Variants in KDM4C observed in about 807,000 individuals in gnomAD.
The protein encoded by KDM4C is lysine-specific demethylase 4C.
A neutral mutation model predicts 129.3 loss-of-function variants in KDM4C; 81 were observed. That is an observed-to-expected ratio of 0.63 (90% CI 0.52 to 0.75). The LOEUF is 0.75. Ranked by LOEUF, KDM4C falls within the 30% of genes least tolerant of loss-of-function variation. KDM4C has a pLI of 0.00. For synonymous variants in KDM4C, 573 were observed against 456.1 expected, an observed-to-expected ratio of 1.26 and a Z score of -3.26; for missense variants, 1,457 against 1,304.0, an observed-to-expected ratio of 1.12 and a Z score of -1.81.
rs117177248 is a variant in KDM4C, at chr9:7,114,147, C to T, written c.2610+10277C>T. Among the ~76,000 whole-genome samples the T allele has an allele frequency of 2.6e-4, 40 of 152,276 alleles. No individual in the cohort carries two copies. The East Asian group carries it at 7.7e-3, about 29-fold the overall frequency. The stretch of plus-strand genomic sequence containing the variant: ...GAGGAGAGGGGCTGCTACCATACTA[C>T]TCCTTATTCTGTTTTCTGGGGAGAG... On this transcript the variant is annotated intron_variant, in intron 18 of 21. Transcript: ENST00000381309.
chr9:6,734,214 A>C (rs116677613), intron 1 of KDM4C, among the ~76,000 whole-genome samples: 1 of 150,598 alleles, frequency 6.6e-6, no homozygotes, highest in Non-Finnish European at 1.5e-5. Context: ...AAAGAGATTG[A>C]TCTTTTCTAG....
At chr9:7,052,863 CAGAGAGAGAG>C (rs370475585) in intron 17 of KDM4C, among the ~76,000 whole-genome samples, 7 of 41,110 alleles carry the variant, frequency 1.7e-4, no homozygotes, top group Middle Eastern at 0.011. Flanking sequence ...GCCACACCTG[CAGAGAGAGAG>C]AGAGAGAGAG....
At chr9:7,061,279 C>T (rs1381058528) in intron 17 of KDM4C, among the ~76,000 whole-genome samples, 2 of 152,182 alleles carry the variant, frequency 1.3e-5, no homozygotes, top group African/African-American at 4.8e-5. Flanking sequence ...ATGCTTACAT[C>T]TCCTCAAGAT....
intron 5 of KDM4C, among the ~76,000 whole-genome samples, chr9:6,859,218 C>G (rs1366577081): frequency 3.3e-5 from 5 of 152,188 alleles, no homozygotes; most frequent in Non-Finnish European, 7.4e-5. Context: ...TGGTTCATGC[C>G]TATAATCCCA....
At position 7,027,906 on chromosome 9, in the gene KDM4C, C is replaced by T. The variant is rs963612943; in HGVS notation, c.2259+11977C>T. On this transcript the variant is annotated intron_variant, in intron 15 of 21. Transcript: ENST00000381309. ...GCTCATGGAGAATACTGCTGGGCTA[C>T]CACCAATATTCAGTTAAGGCCCTAG... Among the ~76,000 whole-genome samples, 3 of 152,294 alleles carry T rather than the reference C, an allele frequency of 2.0e-5. No individual in the cohort carries two copies. In the East Asian group the frequency reaches 5.8e-4, roughly 29 times the overall value.
intron 17 of KDM4C, among the ~76,000 whole-genome samples, chr9:7,052,741 C>T (rs1830316515): frequency 6.6e-6 from 1 of 152,170 alleles, no homozygotes; most frequent in Non-Finnish European, 1.5e-5. Flanking sequence ...ATCCCTGAAG[C>T]AGCAGCAAGG....
chr9:6,831,456 C>T (rs76724080), intron 4 of KDM4C, among the ~76,000 whole-genome samples: 9,196 of 152,044 alleles, frequency 0.06, 381 homozygotes, highest in East Asian at 0.15. Context: ...AATTCTCCTG[C>T]CATAGCCTTC....
chr9:6,735,019 C>T, intron 1 of KDM4C: 1 of 513,298 alleles, frequency 1.9e-6, no homozygotes, highest in Non-Finnish European at 3.9e-6. Context: ...TGCATTGCAG[C>T]TATTGTAAGA....
chr9:6,979,533 A>C (rs1302703396), intron 8 of KDM4C, among the ~76,000 whole-genome samples: 1 of 152,146 alleles, frequency 6.6e-6, no homozygotes, highest in Non-Finnish European at 1.5e-5. Flanking sequence ...TGGTGGAGTA[A>C]AGTCTTGGAG....
At chr9:6,873,880 T>C (rs1242936409) in intron 5 of KDM4C, among the ~76,000 whole-genome samples, 6 of 151,966 alleles carry the variant, frequency 3.9e-5, no homozygotes, top group African/African-American at 1.2e-4. Context: ...ATGGAGCTCT[T>C]CTTTTTCTTG....
intron 15 of KDM4C, among the ~76,000 whole-genome samples, chr9:7,022,252 C>G (rs1437532945): frequency 1.3e-5 from 2 of 152,110 alleles, no homozygotes; most frequent in Non-Finnish European, 2.9e-5. Flanking sequence ...ATAGTGTGGA[C>G]ATTTCAACAG....
At chr9:6,933,931 T>C (rs72701484) in intron 8 of KDM4C, among the ~76,000 whole-genome samples, 38,839 of 151,724 alleles carry the variant, frequency 0.26, 5,418 homozygotes, top group South Asian at 0.4. Flanking sequence ...CTCATGACAA[T>C]CTCCACCTGC....
At chr9:6,747,193 C>G (rs1817910531) in intron 1 of KDM4C, among the ~76,000 whole-genome samples, 3 of 140,770 alleles carry the variant, frequency 2.1e-5, no homozygotes, top group Non-Finnish European at 4.5e-5. Context: ...ACTCTGTCTC[C>G]AAAAAACCAA....
At position 6,990,530 on chromosome 9, in the gene KDM4C, A is replaced by G; in HGVS notation, c.1786+6A>G. On this transcript the variant is annotated splice_donor_region_variant and intron_variant, in intron 12 of 21. Coordinates refer to ENST00000381309, the MANE Select transcript of KDM4C (RefSeq NM_015061.6). ...GCAGGCGCCAAGTGATGAAGGTGAG[A>G]TGGTGACCCTTTTTGGGATTTTTTT... The G allele has an allele frequency of 6.6e-7, 1 of 1,520,214 alleles. No homozygotes were observed. The highest frequency in any genetic ancestry group is 1.7e-4 in the Middle Eastern group (1 of 5,758). The allele number at this position is 1,520,214 out of a possible 1,614,324, so 94.2% of individuals were successfully genotyped here. A position where few individuals can be genotyped will look rare whatever the true frequency, so the allele number is the denominator to read the frequency against.
At chr9:7,021,298 C>G (rs574072425) in intron 15 of KDM4C, among the ~76,000 whole-genome samples, 49 of 152,036 alleles carry the variant, frequency 3.2e-4, no homozygotes, top group African/African-American at 1.2e-3. Flanking sequence ...GCGCATGCCA[C>G]CATGCCCGGC....
chr9:7,110,601 C>T (rs1201776269), intron 18 of KDM4C, among the ~76,000 whole-genome samples: 1 of 152,148 alleles, frequency 6.6e-6, no homozygotes, highest in African/African-American at 2.4e-5. Context: ...GCGCTTGGAT[C>T]CACAGCCTGA....
intron 21 of KDM4C, among the ~76,000 whole-genome samples, chr9:7,173,927 G>A (rs1179716278): frequency 2.6e-5 from 4 of 152,226 alleles, no homozygotes; most frequent in Non-Finnish European, 5.9e-5. Flanking sequence ...GGGAACAGGA[G>A]TGGAGAGGAG....
At chr9:6,807,795 G>T (rs967065171) in intron 3 of KDM4C, among the ~76,000 whole-genome samples, 2 of 149,210 alleles carry the variant, frequency 1.3e-5, no homozygotes, top group African/African-American at 2.5e-5. Context: ...GGAGGTGGGG[G>T]GGGGGTCAGC....
chr9:6,901,925 TGGAC>T (rs1371833282), intron 8 of KDM4C, among the ~76,000 whole-genome samples: 1 of 152,210 alleles, frequency 6.6e-6, no homozygotes, highest in Non-Finnish European at 1.5e-5. Context: ...ATTATAAGTA[TGGAC>T]CCCTGGCCCC....
Sources: allele counts gnomAD v4.1 joint callset (sites outside exome capture counted in the v4.1 genomes callset), GRCh38; gene constraint gnomAD v4.1.1; transcripts MANE v1.5; gene names NCBI Gene and HGNC (gene_info 2026-07-23, HGNC 2026-07-21).